ST6GALNAC3: variants seen among roughly 807,000 people sequenced by gnomAD.
ST6GALNAC3 encodes the protein alpha-N-acetylgalactosaminide alpha-2,6-sialyltransferase 3.
A neutral mutation model predicts 32.7 loss-of-function variants in ST6GALNAC3; 25 were observed. The ratio of observed to expected loss-of-function variants is 0.76; its 90% confidence interval spans 0.56 to 1.07. ST6GALNAC3 has a LOEUF of 1.07. Ranked by LOEUF, ST6GALNAC3 falls within the 50% of genes least tolerant of loss-of-function variation. The pLI, the probability that ST6GALNAC3 is intolerant of heterozygous loss-of-function variation, is 0.00. For synonymous variants in ST6GALNAC3, 129 were observed against 133.1 expected, an observed-to-expected ratio of 0.97 and a Z score of 0.21; for missense variants, 355 against 382.4, an observed-to-expected ratio of 0.93 and a Z score of 0.60.
chr1:76,620,046 AGTCT>A (rs757861642), intron 3 of ST6GALNAC3, among the ~76,000 whole-genome samples: 43 of 152,196 alleles, frequency 2.8e-4, no homozygotes, highest in Non-Finnish European at 5.7e-4. Context: ...ATAGTCACTG[AGTCT>A]GTCTTTCTGA....
rs144264945 is a variant in ST6GALNAC3 at position 76,224,537 on chromosome 1, G to C, written c.19-89268G>C. On this transcript the variant is annotated intron_variant, in intron 1 of 4. Coordinates refer to ENST00000328299, the MANE Select transcript of ST6GALNAC3 (RefSeq NM_152996.4). Reference sequence around the variant, plus strand: ...TGGACATCAAGTTGCCTGTCCCCTGGATGAGGTATCTCAGTCTCCTATGTT... The same window carrying C: ...TGGACATCAAGTTGCCTGTCCCCTGCATGAGGTATCTCAGTCTCCTATGTT... Among the ~76,000 whole-genome samples the C allele has an allele frequency of 1.4e-3, 213 of 152,316 alleles. 1 individual carries two copies. The highest frequency in any genetic ancestry group is 0.011 in the Admixed American group (173 of 15,296).
At chr1:76,209,934 A>T (rs544540099) in intron 1 of ST6GALNAC3, among the ~76,000 whole-genome samples, 38 of 152,302 alleles carry the variant, frequency 2.5e-4, no homozygotes, top group African/African-American at 8.4e-4. Context: ...ATATTCAAAC[A>T]ACTCTATTAA....
chr1:76,443,955 A>G (rs1304397703), intron 3 of ST6GALNAC3, among the ~76,000 whole-genome samples: 2 of 152,230 alleles, frequency 1.3e-5, no homozygotes, highest in South Asian at 2.1e-4. Flanking sequence ...AGTGTTTCCA[A>G]TTATGTGTTC....
At chr1:76,319,993 A>G (rs1441921578) in intron 2 of ST6GALNAC3, among the ~76,000 whole-genome samples, 1 of 152,194 alleles carries the variant, frequency 6.6e-6, no homozygotes, top group East Asian at 1.9e-4. Flanking sequence ...AGAGATGACT[A>G]TGTTTCTCAG....
intron 3 of ST6GALNAC3, among the ~76,000 whole-genome samples, chr1:76,586,292 C>A (rs145425256): frequency 6.6e-6 from 1 of 152,170 alleles, no homozygotes. Context: ...TCTTGCACTG[C>A]GGAGTGAATA....
chr1:76,151,722 T>A (rs1651055455), intron 1 of ST6GALNAC3, among the ~76,000 whole-genome samples: 1 of 152,132 alleles, frequency 6.6e-6, no homozygotes, highest in Admixed American at 6.5e-5. Context: ...GGGCTGGCAG[T>A]TGGTCAGGCC....
chr1:76,270,053 C>T (rs967790217), intron 1 of ST6GALNAC3, among the ~76,000 whole-genome samples: 6 of 152,088 alleles, frequency 3.9e-5, no homozygotes, highest in Non-Finnish European at 8.8e-5. Flanking sequence ...TGCATCCATA[C>T]CCCCCAAATA....
intron 1 of ST6GALNAC3, among the ~76,000 whole-genome samples, chr1:76,263,574 T>C (rs1658365384): frequency 6.6e-6 from 1 of 152,172 alleles, no homozygotes; most frequent in South Asian, 2.1e-4. Context: ...AGATGTGTAA[T>C]ATTGAAGACC....
At chr1:76,143,738 G>A (rs1405007805) in intron 1 of ST6GALNAC3, among the ~76,000 whole-genome samples, 1 of 152,138 alleles carries the variant, frequency 6.6e-6, no homozygotes, top group Non-Finnish European at 1.5e-5. Flanking sequence ...GCACCAAGCA[G>A]ATGGGGTCAC....
At chr1:76,521,311 G>GCA (rs1662520954) in intron 3 of ST6GALNAC3, among the ~76,000 whole-genome samples, 2 of 150,508 alleles carry the variant, frequency 1.3e-5, no homozygotes, top group Non-Finnish European at 1.5e-5. Context: ...ACACACACAC[G>GCA]CGCGTACATA....
chr1:76,244,829 A>T (rs1484616538), intron 1 of ST6GALNAC3, among the ~76,000 whole-genome samples: 2 of 152,066 alleles, frequency 1.3e-5, no homozygotes, highest in Non-Finnish European at 2.9e-5. Flanking sequence ...TTGACATGCT[A>T]CTGGATTTGA....
intron 1 of ST6GALNAC3, among the ~76,000 whole-genome samples, chr1:76,181,164 C>A (rs188597777): frequency 7.7e-4 from 117 of 152,314 alleles, no homozygotes; most frequent in Admixed American, 3.8e-3. Context: ...GGTGACTGAA[C>A]AGACAAGCCA....
chr1:76,349,985 T>C (rs1412023603), intron 2 of ST6GALNAC3, among the ~76,000 whole-genome samples: 2 of 152,204 alleles, frequency 1.3e-5, no homozygotes, highest in African/African-American at 4.8e-5. Flanking sequence ...GTTTTATATA[T>C]AGATAGCTTG....
intron 1 of ST6GALNAC3, among the ~76,000 whole-genome samples, chr1:76,251,608 A>G (rs1657621305): frequency 1.3e-5 from 2 of 152,084 alleles, no homozygotes; most frequent in Non-Finnish European, 2.9e-5. Context: ...GTCATTCTAT[A>G]AGTTCCCCAA....
At chr1:76,415,171 C>CTTTTTTTTTTTTTTT (rs71072000) in intron 3 of ST6GALNAC3, among the ~76,000 whole-genome samples, 2 of 70,462 alleles carry the variant, frequency 2.8e-5, no homozygotes, top group Non-Finnish European at 5.2e-5. Flanking sequence ...GGATTCATGT[C>CTTTTTTTTTTTTTTT]TTTTTTTTTT....
intron 2 of ST6GALNAC3, among the ~76,000 whole-genome samples, chr1:76,407,966 T>C (rs1557861521): frequency 1.3e-5 from 2 of 152,080 alleles, no homozygotes; most frequent in Non-Finnish European, 2.9e-5. Context: ...GACGTAGTAA[T>C]AAAGCTAATA....
downstream of ST6GALNAC3, among the ~76,000 whole-genome samples, chr1:76,636,702 A>G (rs1212531093): frequency 2.0e-5 from 3 of 152,064 alleles, no homozygotes; most frequent in African/African-American, 7.2e-5. Context: ...TTCCCTTAAC[A>G]CTAATAGAAT....
intron 3 of ST6GALNAC3, among the ~76,000 whole-genome samples, chr1:76,477,985 A>G (rs1189582248): frequency 1.3e-5 from 2 of 152,192 alleles, no homozygotes; most frequent in Non-Finnish European, 2.9e-5. Flanking sequence ...TCTTTAAACC[A>G]GTCTAATCCA....
At chr1:76,477,215 C>A (rs1235772436) in intron 3 of ST6GALNAC3, among the ~76,000 whole-genome samples, 1 of 93,140 alleles carries the variant, frequency 1.1e-5, no homozygotes, top group African/African-American at 4.3e-5. Context: ...ACATTCTTAT[C>A]TTTTCATCCA....
Sources: allele counts gnomAD v4.1 joint callset (sites outside exome capture counted in the v4.1 genomes callset), GRCh38; gene constraint gnomAD v4.1.1; transcripts MANE v1.5; gene names NCBI Gene and HGNC (gene_info 2026-07-23, HGNC 2026-07-21).